The following KIAA1671 variants were observed in gnomAD, a reference collection of about 807,000 sequenced individuals.
KIAA1671 encodes the protein uncharacterized protein KIAA1671.
A neutral mutation model predicts 131.2 loss-of-function variants in KIAA1671; 52 were observed. The ratio of observed to expected loss-of-function variants is 0.40; its 90% confidence interval spans 0.32 to 0.50. KIAA1671 has a LOEUF of 0.50. KIAA1671 is among the 20% of genes least tolerant of loss of function. The pLI is 0.73. For synonymous variants in KIAA1671, 1,003 were observed against 961.6 expected (o/e 1.04, Z -0.80); for missense variants, 2,360 against 2,364.2 (o/e 1.00, Z 0.04).
intron 6 of KIAA1671, among the ~76,000 whole-genome samples, chr22:25,109,639 C>CA (rs577653229): frequency 6.6e-6 from 1 of 152,048 alleles, no homozygotes; most frequent in Non-Finnish European, 1.5e-5. Context: ...TGGGTTCATG[C>CA]AAAAAAATTC....
intron 6 of KIAA1671, among the ~76,000 whole-genome samples, chr22:25,105,619 C>T (rs1251398684): frequency 6.6e-6 from 1 of 152,186 alleles, no homozygotes; most frequent in African/African-American, 2.4e-5. Context: ...TTGCAGACCG[C>T]TCTGTACCTA....
chr22:25,139,613 T>TG (rs1932777683), intron 6 of KIAA1671, among the ~76,000 whole-genome samples: 1 of 152,154 alleles, frequency 6.6e-6, no homozygotes, highest in South Asian at 2.1e-4. Flanking sequence ...ACTTTCTAGT[T>TG]GGAGTTGGGA....
chr22:24,996,915 A>G (rs997219813), intron 1 of KIAA1671, among the ~76,000 whole-genome samples: 24 of 152,166 alleles, frequency 1.6e-4, no homozygotes, highest in African/African-American at 5.6e-4. Context: ...AGCATCTCCC[A>G]TAGGTTGCAG....
intron 10 of KIAA1671, among the ~76,000 whole-genome samples, chr22:25,182,572 C>CAT (rs1934331496): frequency 6.6e-6 from 1 of 152,170 alleles, no homozygotes; most frequent in African/African-American, 2.4e-5. Context: ...GACCATAGCA[C>CAT]ATTGGCAAAA....
intron 4 of KIAA1671, among the ~76,000 whole-genome samples, chr22:25,037,569 C>T (rs1161207729): frequency 3.3e-5 from 5 of 151,942 alleles, no homozygotes; most frequent in African/African-American, 1.2e-4. Flanking sequence ...GCATTAAGGA[C>T]GTTTTCAGTA....
chr22:25,096,878 G>A (rs1413670113), intron 6 of KIAA1671, among the ~76,000 whole-genome samples: 2 of 152,214 alleles, frequency 1.3e-5, no homozygotes, highest in East Asian at 1.9e-4. Flanking sequence ...GCACTCTGCA[G>A]TCTTCTTCAT....
At chr22:25,085,936 C>G (rs1929696112) in intron 6 of KIAA1671, among the ~76,000 whole-genome samples, 2 of 152,132 alleles carry the variant, frequency 1.3e-5, no homozygotes. Flanking sequence ...ATGAGTGAGA[C>G]TCTTTGCAAG....
At chr22:25,130,012 A>G (rs1932362545) in intron 6 of KIAA1671, among the ~76,000 whole-genome samples, 1 of 152,108 alleles carries the variant, frequency 6.6e-6, no homozygotes, top group Non-Finnish European at 1.5e-5. Context: ...AGGCTGAGGC[A>G]GGACGTTCGC....
intron 1 of KIAA1671, 117 bp from the exon 2 acceptor site, chr22:25,025,516 G>C (rs752389854): frequency 6.6e-6 from 1 of 152,198 alleles, no homozygotes; most frequent in Non-Finnish European, 1.5e-5. Flanking sequence ...AGGAGCATAC[G>C]TTTTACAAGC....
chr22:24,964,356 A>G (rs1247286387), intron 1 of KIAA1671, among the ~76,000 whole-genome samples: 3 of 151,888 alleles, frequency 2.0e-5, no homozygotes, highest in Non-Finnish European at 2.9e-5. Context: ...CAAACCCCAC[A>G]AAAAACAAAA....
intron 6 of KIAA1671, among the ~76,000 whole-genome samples, chr22:25,155,598 G>C: frequency 6.6e-6 from 1 of 151,900 alleles, no homozygotes. Context: ...ATGTGTATGT[G>C]CTTGTGTATA....
chr22:25,159,838 T>C (rs1933375159), intron 6 of KIAA1671, among the ~76,000 whole-genome samples: 1 of 152,202 alleles, frequency 6.6e-6, no homozygotes, highest in African/African-American at 2.4e-5. Context: ...GTTAATTTTA[T>C]ATCTGCAATC....
At chr22:25,111,962 T>A in intron 6 of KIAA1671, 2 of 354,850 alleles carry the variant, frequency 5.6e-6, no homozygotes, top group Non-Finnish European at 1.0e-5. Flanking sequence ...GCCTCTTAAT[T>A]CTGAGCGGCA....
At chr22:25,007,215 C>T (rs1302016444) in intron 1 of KIAA1671, among the ~76,000 whole-genome samples, 3 of 152,068 alleles carry the variant, frequency 2.0e-5, no homozygotes, top group Non-Finnish European at 4.4e-5. Flanking sequence ...TAGCCAGGTG[C>T]GGTGGCTCAC....
At position 25,192,926 on chromosome 22, in the gene KIAA1671, T is replaced by A. The variant is rs960397173; in HGVS notation, c.*525T>A. ...ACCGCTGGGTTGAGGTTTTCTATTC[T>A]TTTTTTTTGGTGAGTTCCTTCTTCC... On this transcript the variant is annotated 3_prime_UTR_variant, in exon 13 of 13. Transcript: ENST00000358431. The A allele has an allele frequency of 6.6e-6, 1 of 151,236 alleles. No homozygotes were observed. The highest frequency in any genetic ancestry group is 1.5e-5 in the Non-Finnish European group (1 of 67,740). 9.4% of individuals were successfully genotyped at this position (151,236 alleles called of 1,614,324 possible). A position where few individuals can be genotyped will look rare whatever the true frequency, so the allele number is the denominator to read the frequency against.
intron 12 of KIAA1671, 112 bp downstream of exon 12, chr22:25,190,896 C>T (rs945510924): frequency 8.4e-6 from 6 of 714,352 alleles, no homozygotes; most frequent in South Asian, 3.4e-5. Flanking sequence ...AGGAAAGAGG[C>T]TGTGTAAGGG....
chr22:25,146,009 T>C (rs1263186311), intron 6 of KIAA1671, among the ~76,000 whole-genome samples: 1 of 152,044 alleles, frequency 6.6e-6, no homozygotes, highest in East Asian at 1.9e-4. Flanking sequence ...TCAGTGGCAG[T>C]GTGCATGAGT....
chr22:25,017,623 A>G (rs1182885396), intron 1 of KIAA1671, among the ~76,000 whole-genome samples: 4 of 152,230 alleles, frequency 2.6e-5, no homozygotes, highest in Non-Finnish European at 1.5e-5. Context: ...TGGTTGAAAT[A>G]GTAAATTTTA....
chr22:25,112,470 TA>T, intron 6 of KIAA1671: 1 of 398,978 alleles, frequency 2.5e-6, no homozygotes, highest in Non-Finnish European at 4.4e-6. Context: ...ATTGTAAGCT[TA>T]TTATGTTTTA....
Sources: gnomAD v4.1 joint callset for allele counts (sites outside exome capture counted in the v4.1 genomes callset) on GRCh38, gnomAD v4.1.1 for gene constraint, MANE v1.5 for transcripts, NCBI Gene and HGNC (gene_info 2026-07-23, HGNC 2026-07-21) for gene names.